The following EDIL3 variants were observed in gnomAD, a reference collection of about 807,000 sequenced individuals.
EDIL3 encodes the protein EGF-like repeat and discoidin I-like domain-containing protein 3.
In EDIL3, 37 loss-of-function variants were observed where a neutral mutation model predicts 67.4. That is an observed-to-expected ratio of 0.55 (90% confidence interval 0.42 to 0.72). The LOEUF is 0.72. Among genes scored for constraint, EDIL3 ranks in the 30% least tolerant of loss-of-function variants. The probability of loss-of-function intolerance (pLI) is 0.00; values close to 1 mark genes in which losing one functional copy is unlikely to be tolerated. For missense variants in EDIL3, 527 were observed against 586.3 expected (o/e 0.90, Z 1.04); for synonymous variants, 195 against 196.3 (o/e 0.99, Z 0.05).
At chr5:84,176,548 G>C (rs908950945) in intron 4 of EDIL3, among the ~76,000 whole-genome samples, 1 of 151,154 alleles carries the variant, frequency 6.6e-6, no homozygotes, top group Non-Finnish European at 1.5e-5. Context: ...AGGAGTTCTG[G>C]GAGTGAAGAA....
intron 3 of EDIL3, among the ~76,000 whole-genome samples, chr5:84,207,827 G>A (rs1580377326): frequency 1.3e-5 from 2 of 151,148 alleles, no homozygotes; most frequent in South Asian, 4.2e-4. Flanking sequence ...ATGGTGCTGG[G>A]AAAACTGGCT....
rs767210264 is a variant in EDIL3, at chr5:84,229,843, T to C, written c.226+12A>G. 7.5e-6 allele frequency: 12 copies of C among 1,604,736 alleles called. 1 individual carries two copies. In the South Asian group the frequency reaches 1.2e-4, roughly 16 times the overall value. On this transcript the variant is annotated intron_variant, in intron 3 of 10. Transcript: ENST00000296591. Reference sequence around the variant, plus strand: ...TTAAATAAGAATTATGTTTACAACATAGGAACTTTACCTGCTGAAGTTGGT... The same window carrying C: ...TTAAATAAGAATTATGTTTACAACACAGGAACTTTACCTGCTGAAGTTGGT...
rs545023922 is a variant in EDIL3, at chr5:84,039,291, T to C, written c.1137+21009A>G. On this transcript the variant is annotated intron_variant, in intron 9 of 10. Transcript: ENST00000296591. ...AATAGAAAATATTATGCTGAGTTCCTATATAATAAAGGCTACTGAGTTGAT... is the reference window on the plus strand; with the variant it reads ...AATAGAAAATATTATGCTGAGTTCCCATATAATAAAGGCTACTGAGTTGAT... 3.3e-5 allele frequency among the ~76,000 whole-genome samples: 5 copies of C among 152,248 alleles called. No individual in the cohort carries two copies. In the South Asian group the frequency reaches 6.2e-4, roughly 19 times the overall value.
chr5:84,034,089 T>G (rs2112205931), intron 9 of EDIL3, among the ~76,000 whole-genome samples: 1 of 152,286 alleles, frequency 6.6e-6, no homozygotes, highest in East Asian at 1.9e-4. Flanking sequence ...TTTTGGTAGA[T>G]AAAAAGGCTT....
chr5:84,096,469 T>C (rs1303020698), intron 6 of EDIL3, among the ~76,000 whole-genome samples: 1 of 152,222 alleles, frequency 6.6e-6, no homozygotes, highest in African/African-American at 2.4e-5. Flanking sequence ...ATTTTGGACT[T>C]GCCTGGGGCC....
chr5:84,326,249 AT>A (rs1167731804), intron 1 of EDIL3, among the ~76,000 whole-genome samples: 1 of 151,998 alleles, frequency 6.6e-6, no homozygotes, highest in African/African-American at 2.4e-5. Flanking sequence ...TAAGAAATAC[AT>A]TTTTTCCTTT....
intron 9 of EDIL3, among the ~76,000 whole-genome samples, chr5:83,990,844 C>A (rs1745137854): frequency 6.6e-6 from 1 of 151,424 alleles, no homozygotes; most frequent in Non-Finnish European, 1.5e-5. Flanking sequence ...TGCACCACTG[C>A]ACTCCAGCCT....
chr5:83,991,899 T>C (rs1745157354), intron 9 of EDIL3, among the ~76,000 whole-genome samples: 1 of 152,130 alleles, frequency 6.6e-6, no homozygotes, highest in African/African-American at 2.4e-5. Context: ...GATGAACCTA[T>C]TTGCCGTCTA....
chr5:84,189,755 A>G (rs1016188900), intron 3 of EDIL3, among the ~76,000 whole-genome samples: 2 of 151,936 alleles, frequency 1.3e-5, no homozygotes, highest in African/African-American at 4.8e-5. Flanking sequence ...CTGCATATAC[A>G]TTTTTTATCC....
At chr5:84,132,546 A>T (rs1373741204) in intron 5 of EDIL3, among the ~76,000 whole-genome samples, 12 of 105,476 alleles carry the variant, frequency 1.1e-4, no homozygotes, top group Admixed American at 6.7e-4. Context: ...TTTATATATA[A>T]TATATATTTT....
At chr5:84,157,076 T>C (rs1748505358) in intron 4 of EDIL3, among the ~76,000 whole-genome samples, 1 of 152,136 alleles carries the variant, frequency 6.6e-6, no homozygotes, top group Middle Eastern at 3.2e-3. Context: ...GAAAAAAACA[T>C]AGCAGATCAA....
At chr5:84,096,666 G>A (rs1747269275) in intron 6 of EDIL3, among the ~76,000 whole-genome samples, 1 of 152,160 alleles carries the variant, frequency 6.6e-6, no homozygotes, top group South Asian at 2.1e-4. Flanking sequence ...GCTGAAATGA[G>A]TTAAGACTCT....
intron 1 of EDIL3, among the ~76,000 whole-genome samples, chr5:84,256,977 G>A (rs925605573): frequency 6.6e-6 from 1 of 152,208 alleles, no homozygotes; most frequent in African/African-American, 2.4e-5. Flanking sequence ...CCTATGTGGA[G>A]TAATCAGTGT....
chr5:84,036,774 C>T (rs1349184878), intron 9 of EDIL3, among the ~76,000 whole-genome samples: 1 of 152,088 alleles, frequency 6.6e-6, no homozygotes, highest in African/African-American at 2.4e-5. Context: ...TCACTGTATT[C>T]GTATTAAACT....
At chr5:84,365,743 A>G (rs1171279266) in intron 1 of EDIL3, among the ~76,000 whole-genome samples, 1 of 152,162 alleles carries the variant, frequency 6.6e-6, no homozygotes, top group Non-Finnish European at 1.5e-5. Context: ...TGCCTATACC[A>G]TTCTCTTTTG....
chr5:84,294,597 T>C (rs1445566352), intron 1 of EDIL3, among the ~76,000 whole-genome samples: 1 of 152,018 alleles, frequency 6.6e-6, no homozygotes, highest in East Asian at 1.9e-4. Flanking sequence ...ACTCAAGAAT[T>C]ATACCAATTA....
Position 83,942,481 on chromosome 5 carries a change from A to AT in EDIL3, c.*937dup, listed in dbSNP as rs1234033988. On this transcript the variant is annotated 3_prime_UTR_variant, in exon 11 of 11. Transcript: ENST00000296591. ...TTTTATAAAATAAACAAATAAGCCG[A>AT]TTTTTTAAAGTAAATATAAGGATAT... 1.3e-5 allele frequency: 2 copies of AT among 152,130 alleles called. No homozygotes were observed. Among genetic ancestry groups the AT allele is most frequent in the Admixed American group, 6.6e-5 (1 of 15,240 alleles). 9.4% of individuals were successfully genotyped at this position (152,130 alleles called of 1,614,324 possible). A position where few individuals can be genotyped will look rare whatever the true frequency, so the allele number is the denominator to read the frequency against.
At chr5:84,324,828 A>G (rs1746723496) in intron 1 of EDIL3, among the ~76,000 whole-genome samples, 1 of 151,732 alleles carries the variant, frequency 6.6e-6, no homozygotes. Context: ...GAATTTTTGA[A>G]ACAAAAGCAC....
intron 6 of EDIL3, among the ~76,000 whole-genome samples, chr5:84,104,552 C>A (rs1252375520): frequency 6.6e-6 from 1 of 151,968 alleles, no homozygotes; most frequent in Non-Finnish European, 1.5e-5. Context: ...GAGGTTCTCA[C>A]TCTAATATAA....
Sources: allele counts gnomAD v4.1 joint callset (sites outside exome capture counted in the v4.1 genomes callset), GRCh38; gene constraint gnomAD v4.1.1; transcripts MANE v1.5; gene names NCBI Gene and HGNC (gene_info 2026-07-23, HGNC 2026-07-21).